The following ISG20 variants were observed in gnomAD, a reference collection of about 807,000 sequenced individuals.
ISG20 encodes interferon stimulated exonuclease gene 20, also known as interferon-stimulated gene 20 kDa protein.
A neutral mutation model predicts 11.1 loss-of-function variants in ISG20; 8 were observed. The observed-to-expected ratio is 0.72, with a 90% CI of 0.42 to 1.30. The LOEUF (loss-of-function observed/expected upper bound fraction) is 1.30. ISG20 is among the 50% of genes most tolerant of loss of function. The pLI is 0.01. For synonymous variants in ISG20, 110 were observed against 101.7 expected (o/e 1.08, Z -0.49); for missense variants, 243 against 250.2 (o/e 0.97, Z 0.19).
Position 88,652,210 on chromosome 15 carries a change from C to T in ISG20, c.329C>T (p.Thr110Met), listed in dbSNP as rs772920253. 9.9e-6 allele frequency: 16 copies of T among 1,613,952 alleles called. No individual in the cohort carries two copies. Among genetic ancestry groups the T allele is most frequent in the Non-Finnish European group, 1.3e-5 (15 of 1,179,982 alleles). Residue 110 changes from threonine (T) to methionine (M), a missense_variant, in exon 3 of 4, where the codon ACG becomes ATG. Thr to Met is a moderately conservative substitution (Grantham distance 81). Coordinates refer to ENST00000306072, the MANE Select transcript of ISG20 (RefSeq NM_002201.6). ...ATGAGCGGCTACACAATCTACGACACGTCCACTGACAGGCTGTTGTGGCGT... is the reference window on the plus strand; with the variant it reads ...ATGAGCGGCTACACAATCTACGACATGTCCACTGACAGGCTGTTGTGGCGT... Reference protein sequence around the residue: ...EDMSGYTIYDTSTDRLLWREA... With the variant: ...EDMSGYTIYDMSTDRLLWREA...
In ISG20 at chr15:88,639,587, G is replaced by A. The variant is rs764919039; in HGVS notation, c.221G>A (p.Arg74Lys). 1 of 1,613,852 alleles carries A rather than the reference G, an allele frequency of 6.2e-7. No homozygotes were observed. Among genetic ancestry groups the A allele is most frequent in the East Asian group, 2.2e-5 (1 of 44,872 alleles). Residue 74 changes from arginine (R) to lysine (K), a missense_variant, in exon 2 of 4, where the codon AGG becomes AAG. Physicochemically the swap from Arg to Lys is conservative, Grantham distance 26 (BLOSUM62 2). Coordinates refer to ENST00000306072, the MANE Select transcript of ISG20 (RefSeq NM_002201.6). The surrounding 1 kb of genome is among the most constrained non-coding windows in gnomAD (Gnocchi z 4.2). ...MVGATPFAVA[R>K]LEILQLLKGK... ...GGGGCCACACCATTTGCCGTGGCCA[G>A]GCTAGAGGTGAGTGAAGGCCCGGCC...
chr15:88,637,782 T>C (rs1249572555), upstream of ISG20, among the ~76,000 whole-genome samples: 2 of 152,136 alleles, frequency 1.3e-5, no homozygotes, highest in African/African-American at 4.8e-5. Flanking sequence ...ATTGGATCTT[T>C]AGGGGGTTAC....
Position 88,656,008 on chromosome 15 carries a change from C to T in ISG20, c.*477C>T, listed in dbSNP as rs2058369987. The T allele has an allele frequency of 6.5e-6, 1 of 152,672 alleles. No homozygotes were observed. Among genetic ancestry groups the T allele is most frequent in the African/African-American group, 2.4e-5 (1 of 41,420 alleles). The allele number at this position is 152,672 out of a possible 1,614,324, so 9.5% of individuals were successfully genotyped here. The stretch of plus-strand genomic sequence containing the variant: ...AATGTCAAGGGTGCCACCCCGGCAA[C>T]CTTGAGCAAGTCACCCCTCCTATTT... On this transcript the variant is annotated 3_prime_UTR_variant, in exon 4 of 4. Coordinates refer to ENST00000306072, the MANE Select transcript of ISG20 (RefSeq NM_002201.6).
At chr15:88,646,890 C>T (rs2058183682) in intron 2 of ISG20, 1 of 152,342 alleles carries the variant, frequency 6.6e-6, no homozygotes, top group Non-Finnish European at 1.5e-5. Context: ...CGTGTCTCAG[C>T]CTCCTGAGTA....
rs796666818 is a variant in ISG20, at chr15:88,651,967, A to T, written c.229-143A>T. 9 of 1,465,628 alleles carry T rather than the reference A, an allele frequency of 6.1e-6. No individual in the cohort carries two copies. The African/African-American group carries it at 1.3e-4, about 21-fold the overall frequency. The allele number at this position is 1,465,628 out of a possible 1,614,324, so 90.8% of individuals were successfully genotyped here. On this transcript the variant is annotated intron_variant, in intron 2 of 3. Transcript: ENST00000306072. Reference sequence around the variant, plus strand: ...CTAGTGCAATCTCTTCTTTTCAAAGATGATACATTTGAAGCCCAGGGAGGA... The same window carrying T: ...CTAGTGCAATCTCTTCTTTTCAAAGTTGATACATTTGAAGCCCAGGGAGGA...
chr15:88,639,299 G>A lies in ISG20; in HGVS notation c.-24-44G>A, dbSNP rs1351665865. Reference sequence around the variant, plus strand: ...GTTGGCTGAGGACACCTGGAGGCTTGGTTTGCCCAAGCGTGAGACCGCCCC... The same window carrying A: ...GTTGGCTGAGGACACCTGGAGGCTTAGTTTGCCCAAGCGTGAGACCGCCCC... On this transcript the variant is annotated intron_variant, in intron 1 of 3. Transcript: ENST00000306072. This position sits in a 1 kb window ranked among gnomAD's most constrained non-coding sequence, Gnocchi z 4.2. The A allele has an allele frequency of 7.7e-7, 1 of 1,293,360 alleles. No homozygotes were observed. The highest frequency in any genetic ancestry group is 1.5e-5 in the African/African-American group (1 of 67,582). The allele number at this position is 1,293,360 out of a possible 1,614,324, so 80.1% of individuals were successfully genotyped here. A position where few individuals can be genotyped will look rare whatever the true frequency, so the allele number is the denominator to read the frequency against.
intron 3 of ISG20, among the ~76,000 whole-genome samples, chr15:88,653,106 A>G (rs1323909668): frequency 2.0e-5 from 3 of 152,192 alleles, no homozygotes; most frequent in African/African-American, 7.2e-5. Context: ...CTTCAGGTCA[A>G]CAGCTCTTTA....
Position 88,650,160 on chromosome 15 carries a change from G to A in ISG20, c.229-1950G>A. On this transcript the variant is annotated intron_variant, in intron 2 of 3. Coordinates refer to ENST00000306072, the MANE Select transcript of ISG20 (RefSeq NM_002201.6). This position sits in a 1 kb window ranked among gnomAD's most constrained non-coding sequence, Gnocchi z 4.0. ...AGAAGGAGACGAAGGCTGTCCTAGA[G>A]CTGTCCAAAGTGGGCCTGGACTAGC... is the stretch of plus-strand genomic sequence containing the variant. The A allele has an allele frequency of 8.2e-7, 1 of 1,222,922 alleles. No homozygotes were observed. Among genetic ancestry groups the A allele is most frequent in the Non-Finnish European group, 1.2e-6 (1 of 861,800 alleles). The allele number at this position is 1,222,922 out of a possible 1,614,324, so 75.8% of individuals were successfully genotyped here. A position where few individuals can be genotyped will look rare whatever the true frequency, so the allele number is the denominator to read the frequency against.
rs980808429 is a variant in ISG20, at chr15:88,641,343, G to A, written c.228+1749G>A. ...ATTACAGATGAGGAAACTGGGGCTC[G>A]CTTGATTATTTGTTAGGGCTGCCAT... On this transcript the variant is annotated intron_variant, in intron 2 of 3. Coordinates refer to ENST00000306072, the MANE Select transcript of ISG20 (RefSeq NM_002201.6). Among the ~76,000 whole-genome samples the A allele has an allele frequency of 3.3e-5, 5 of 152,046 alleles. No individual in the cohort carries two copies. In the South Asian group the frequency reaches 6.2e-4, roughly 19 times the overall value.
At chr15:88,637,073 T>G (rs6496514), upstream of ISG20, among the ~76,000 whole-genome samples, 125,849 of 152,112 alleles carry the variant, frequency 0.83, 53,331 homozygotes, top group Non-Finnish European at 0.93. Flanking sequence ...TTGTAGCACT[T>G]CCTGTCTCTT....
Position 88,655,558 on chromosome 15 carries a change from A to T in ISG20, c.*27A>T, listed in dbSNP as rs2058363325. 1.9e-6 allele frequency: 3 copies of T among 1,552,640 alleles called. No homozygotes were observed. Among genetic ancestry groups the T allele is most frequent in the African/African-American group, 2.8e-5 (2 of 72,512 alleles). ...GCCCCATCCAGCCCGTTCCGCAGGG[A>T]CTAGAGGCTTTCGGCTTTTTGGGAC... On this transcript the variant is annotated 3_prime_UTR_variant, in exon 4 of 4. Transcript: ENST00000306072.
upstream of ISG20, among the ~76,000 whole-genome samples, chr15:88,635,683 C>T (rs760078631): frequency 6.6e-6 from 1 of 152,176 alleles, no homozygotes; most frequent in Non-Finnish European, 1.5e-5. Flanking sequence ...AATGGTGCCA[C>T]GTGTGGTCTG....
intron 2 of ISG20, chr15:88,647,955 C>T (rs2058206997): frequency 6.6e-6 from 1 of 152,150 alleles, no homozygotes; most frequent in Non-Finnish European, 1.5e-5. Context: ...CCCTCTGGGT[C>T]TCAGCCAGAT....
Position 88,652,290 on chromosome 15 carries a change from C to G in ISG20, c.409C>G (p.Leu137Val). 6.2e-7 allele frequency: 1 copy of G among 1,613,650 alleles called. No homozygotes were observed. The highest frequency in any genetic ancestry group is 8.5e-7 in the Non-Finnish European group (1 of 1,179,800). The change falls in exon 3 of 4, where the codon CTC (leucine) becomes GTC (valine). Residue 137 changes from leucine to valine, a missense_variant. Leu to Val is a conservative substitution (Grantham distance 32). Transcript: ENST00000306072. ...RVSLRVLSER[L>V]LHKSIQNSLL... Reference sequence around the variant, plus strand: ...CTCCCTGCGGGTGCTGAGTGAGCGCCTCCTACACAAGAGCATCCAGGTGAG... The same window carrying G: ...CTCCCTGCGGGTGCTGAGTGAGCGCGTCCTACACAAGAGCATCCAGGTGAG...
chr15:88,636,392 T>C (rs1433032076), upstream of ISG20: 1 of 152,184 alleles, frequency 6.6e-6, no homozygotes, highest in African/African-American at 2.4e-5. Flanking sequence ...CACAATACAC[T>C]TGAAAAACAG....
chr15:88,642,011 G>A (rs150843176), intron 2 of ISG20, among the ~76,000 whole-genome samples: 50 of 141,126 alleles, frequency 3.5e-4, no homozygotes, highest in African/African-American at 1.2e-3. Flanking sequence ...TCGGCTCACT[G>A]CAATCTCCAC....
upstream of ISG20, among the ~76,000 whole-genome samples, chr15:88,637,134 A>G (rs1257249086): frequency 1.3e-5 from 2 of 152,196 alleles, no homozygotes; most frequent in Admixed American, 1.3e-4. Context: ...CATCAGACCT[A>G]GTCCTTGGGA....
chr15:88,637,156 T>C (rs2057997025), upstream of ISG20, among the ~76,000 whole-genome samples: 1 of 151,912 alleles, frequency 6.6e-6, no homozygotes, highest in African/African-American at 2.4e-5. Context: ...ATGCAGGGGG[T>C]TTCAGAACAA....
chr15:88,639,607 C>A lies in ISG20; in HGVS notation c.228+13C>A. ...GGCCAGGCTAGAGGTGAGTGAAGGCCCGGCCAGCAGGGGCTTTGGAAATAA... is the reference window on the plus strand; with the variant it reads ...GGCCAGGCTAGAGGTGAGTGAAGGCACGGCCAGCAGGGGCTTTGGAAATAA... On this transcript the variant is annotated intron_variant, in intron 2 of 3. Coordinates refer to ENST00000306072, the MANE Select transcript of ISG20 (RefSeq NM_002201.6). This position sits in a 1 kb window ranked among gnomAD's most constrained non-coding sequence, Gnocchi z 4.2. 1 of 1,606,126 alleles carries A rather than the reference C, an allele frequency of 6.2e-7. No individual in the cohort carries two copies. The highest frequency in any genetic ancestry group is 2.2e-5 in the East Asian group (1 of 44,828).
Sources: allele counts gnomAD v4.1 joint callset (sites outside exome capture counted in the v4.1 genomes callset), GRCh38; gene constraint gnomAD v4.1.1; non-coding constraint Gnocchi (gnomAD v3.1); transcripts MANE v1.5; gene names NCBI Gene and HGNC (gene_info 2026-07-23, HGNC 2026-07-21).